Variants in ZFPM1 observed in about 807,000 individuals in gnomAD.
The protein encoded by ZFPM1 is zinc finger protein ZFPM1.
Under a neutral mutation model 46.3 loss-of-function variants are expected in ZFPM1, and 28 were observed. The ratio of observed to expected loss-of-function variants is 0.60; its 90% CI spans 0.45 to 0.83. The LOEUF (loss-of-function observed/expected upper bound fraction) is 0.83, where lower values mean the gene tolerates loss of function less well. Among genes scored for constraint, ZFPM1 ranks in the 40% least tolerant of loss-of-function variants. The pLI is 0.00. For synonymous variants in ZFPM1, 957 were observed against 675.9 expected (o/e 1.42, Z -6.45); for missense variants, 1,878 against 1,432.4 (o/e 1.31, Z -5.02).
At position 88,526,798 on chromosome 16, in the gene ZFPM1, T is replaced by TG; in HGVS notation, c.403-16_403-15insG. The TG allele has an allele frequency of 7.2e-7, 1 of 1,381,822 alleles. No individual in the cohort carries two copies. Among genetic ancestry groups the TG allele is most frequent in the Non-Finnish European group, 9.5e-7 (1 of 1,050,284 alleles). 85.6% of individuals were successfully genotyped at this position (1,381,822 alleles called of 1,614,324 possible). On this transcript the variant is annotated splice_polypyrimidine_tract_variant and intron_variant, in intron 4 of 9. Transcript: ENST00000319555. ...TGACGGACCCCTCCCCACGTGTTCC[T>TG]ACCCTCCCCCCCCAGAGCCCAGCCC... is the stretch of plus-strand genomic sequence containing the variant.
Position 88,459,444 on chromosome 16 carries a change from T to C in ZFPM1, c.40+5766T>C, listed in dbSNP as rs184886548. 1.6e-3 allele frequency among the ~76,000 whole-genome samples: 245 copies of C among 152,260 alleles called. 2 individuals are homozygous for C. Among genetic ancestry groups the C allele is most frequent in the African/African-American group, 5.6e-3 (231 of 41,568 alleles). ...GCAAAGTGAGCGTAATGATAGTACC[T>C]GCCCCCTGAGCACTGTTGTAAGAAT... On this transcript the variant is annotated intron_variant, in intron 1 of 9. Coordinates refer to ENST00000319555, the MANE Select transcript of ZFPM1 (RefSeq NM_153813.3).
intron 3 of ZFPM1, among the ~76,000 whole-genome samples, chr16:88,495,603 C>G (rs1909888619): frequency 6.6e-6 from 1 of 151,020 alleles, no homozygotes; most frequent in South Asian, 2.1e-4. Context: ...GAAGGATGGC[C>G]TGAGACCTGA....
chr16:88,475,761 C>T (rs1052091491), intron 1 of ZFPM1, among the ~76,000 whole-genome samples: 10 of 152,226 alleles, frequency 6.6e-5, no homozygotes, highest in Non-Finnish European at 7.3e-5. Context: ...GTTAGTTCCT[C>T]TGCTTAGGGA....
chr16:88,530,079 T>C (rs1912665864), intron 6 of ZFPM1, among the ~76,000 whole-genome samples: 1 of 151,780 alleles, frequency 6.6e-6, no homozygotes, highest in Non-Finnish European at 1.5e-5. Context: ...TCCTCTTCCC[T>C]GAAGAAGGCA....
At chr16:88,519,336 G>C (rs562558610) in intron 4 of ZFPM1, among the ~76,000 whole-genome samples, 2 of 150,786 alleles carry the variant, frequency 1.3e-5, no homozygotes, top group African/African-American at 4.9e-5. Context: ...TGGATGAGTG[G>C]ATAGATGAAT....
At chr16:88,528,279 C>G (rs113552743) in intron 6 of ZFPM1, 41 bp downstream of exon 6, 2 of 1,542,028 alleles carry the variant, frequency 1.3e-6, no homozygotes, top group Admixed American at 1.9e-5. Flanking sequence ...GCTGCTCCAC[C>G]AAGGAGGAGC....
intron 4 of ZFPM1, among the ~76,000 whole-genome samples, chr16:88,517,161 G>A (rs1042856679): frequency 3.3e-5 from 5 of 151,316 alleles, no homozygotes; most frequent in Non-Finnish European, 7.4e-5. Flanking sequence ...TGGATGGGTA[G>A]GTGGACGGAT....
chr16:88,473,101 T>A (rs1371456365), intron 1 of ZFPM1, among the ~76,000 whole-genome samples: 1 of 152,212 alleles, frequency 6.6e-6, no homozygotes, highest in East Asian at 1.9e-4. Context: ...TGGGAGCAGT[T>A]GCTTTGCTGC....
Position 88,533,907 on chromosome 16 carries a change from G to A in ZFPM1, c.1949G>A (p.Gly650Asp), listed in dbSNP as rs1229278730. The change falls in exon 10 of 10, where the codon GGC becomes GAC. Residue 650 changes from glycine to aspartate, a missense_variant. Coordinates refer to ENST00000319555, the MANE Select transcript of ZFPM1 (RefSeq NM_153813.3). ...GPGAREEGAG[G>D]AATPEDGAGG... ...GGAGCGCGCGAGGAGGGGGCTGGGGGCGCGGCCACGCCCGAGGACGGCGCG... is the reference window on the plus strand; with the variant it reads ...GGAGCGCGCGAGGAGGGGGCTGGGGACGCGGCCACGCCCGAGGACGGCGCG... The A allele has an allele frequency of 9.9e-6, 11 of 1,116,588 alleles. No individual in the cohort carries two copies. Among genetic ancestry groups the A allele is most frequent in the South Asian group, 2.0e-5 (1 of 50,884 alleles). The allele number at this position is 1,116,588 out of a possible 1,614,324, so 69.2% of individuals were successfully genotyped here.
At position 88,536,695 on chromosome 16, in the gene ZFPM1, A is replaced by G. The variant is rs574719711; in HGVS notation, c.*1716A>G. 6.6e-6 allele frequency: 1 copy of G among 152,380 alleles called. No homozygotes were observed. The highest frequency in any genetic ancestry group is 2.4e-5 in the African/African-American group (1 of 41,576). The allele number at this position is 152,380 out of a possible 1,614,324, so 9.4% of individuals were successfully genotyped here. The stretch of plus-strand genomic sequence containing the variant: ...CACCTGCCCACTAGGGTCTGGCCAG[A>G]TGGGGCCCGTAGCCAAGGCCAATGG... On this transcript the variant is annotated 3_prime_UTR_variant, in exon 10 of 10. Coordinates refer to ENST00000319555, the MANE Select transcript of ZFPM1 (RefSeq NM_153813.3).
intron 6 of ZFPM1, 29 bp downstream of exon 6, chr16:88,528,267 C>G: frequency 3.2e-6 from 5 of 1,561,130 alleles, no homozygotes; most frequent in Non-Finnish European, 4.4e-6. Flanking sequence ...GCACCCAGGG[C>G]GGCTGCTCCA....
At chr16:88,516,196 T>C (rs1911284929) in intron 4 of ZFPM1, 1 of 398,634 alleles carries the variant, frequency 2.5e-6, no homozygotes, top group Non-Finnish European at 4.4e-6. Context: ...AGAACCCACA[T>C]CTGCCTATCC....
At chr16:88,530,275 C>T (rs901206875) in intron 6 of ZFPM1, among the ~76,000 whole-genome samples, 1 of 152,280 alleles carries the variant, frequency 6.6e-6, no homozygotes, top group African/African-American at 2.4e-5. Flanking sequence ...ACACAGCCTG[C>T]GGAGACCACC....
intron 4 of ZFPM1, among the ~76,000 whole-genome samples, chr16:88,524,104 G>A (rs545192768): frequency 9.2e-5 from 14 of 152,218 alleles, no homozygotes; most frequent in East Asian, 1.9e-4. Flanking sequence ...ATATTGGGAC[G>A]AATAATTAGA....
In ZFPM1 at chr16:88,529,375, G is replaced by A. The variant is rs1180731255; in HGVS notation, c.712+1137G>A. 3.3e-5 allele frequency among the ~76,000 whole-genome samples: 5 copies of A among 152,232 alleles called. No homozygotes were observed. In the South Asian group the frequency reaches 8.3e-4, roughly 25 times the overall value. On this transcript the variant is annotated intron_variant, in intron 6 of 9. Coordinates refer to ENST00000319555, the MANE Select transcript of ZFPM1 (RefSeq NM_153813.3). ...GAAAAGCGACCTTTGTGAGCAAGTC[G>A]GATGTGAAGACGGCTTGAAGTAGGT...
intron 3 of ZFPM1, among the ~76,000 whole-genome samples, chr16:88,492,323 G>A (rs1909627415): frequency 6.6e-6 from 1 of 152,166 alleles, no homozygotes; most frequent in East Asian, 1.9e-4. Flanking sequence ...GGGAAACAGT[G>A]CAGGCCCCAG....
At chr16:88,473,288 C>G (rs1452803692) in intron 1 of ZFPM1, among the ~76,000 whole-genome samples, 2 of 152,256 alleles carry the variant, frequency 1.3e-5, no homozygotes, top group African/African-American at 4.8e-5. Flanking sequence ...GAACCACCCA[C>G]CCTTGGGCTG....
At chr16:88,453,064 G>C (rs372572263), upstream of ZFPM1, among the ~76,000 whole-genome samples, 1 of 151,190 alleles carries the variant, frequency 6.6e-6, no homozygotes, top group Non-Finnish European at 1.5e-5. Flanking sequence ...AGCCAGCGCC[G>C]TAAAGAGCGA....
intron 3 of ZFPM1, among the ~76,000 whole-genome samples, chr16:88,506,806 C>A (rs1048784177): frequency 6.6e-6 from 1 of 152,184 alleles, no homozygotes; most frequent in Non-Finnish European, 1.5e-5. Context: ...CTCATCAGGC[C>A]CCCAGAAGCC....
Sources: gnomAD v4.1 joint callset for allele counts (sites outside exome capture counted in the v4.1 genomes callset) on GRCh38, gnomAD v4.1.1 for gene constraint, MANE v1.5 for transcripts, NCBI Gene and HGNC (gene_info 2026-07-23, HGNC 2026-07-21) for gene names.